The following CCDC25 variants were observed in gnomAD, a reference collection of about 807,000 sequenced individuals.
CCDC25 encodes the protein coiled-coil domain containing 25.
Under a neutral mutation model 35.3 loss-of-function variants are expected in CCDC25, and 16 were observed. The observed-to-expected ratio is 0.45, with a 90% CI of 0.31 to 0.69. CCDC25 has a LOEUF of 0.69. Ranked by LOEUF, CCDC25 falls within the 30% of genes least tolerant of loss-of-function variation. The pLI is 0.06. For missense variants in CCDC25, 179 were observed against 250.7 expected, an observed-to-expected ratio of 0.71 and a Z score of 1.93; for synonymous variants, 79 against 80.3, an observed-to-expected ratio of 0.98 and a Z score of 0.09.
chr8:27,765,806 T>C (rs1168598883), intron 1 of CCDC25, among the ~76,000 whole-genome samples: 1 of 152,128 alleles, frequency 6.6e-6, no homozygotes, highest in Non-Finnish European at 1.5e-5. Flanking sequence ...TCTAAACCAG[T>C]GACTCTGACC....
chr8:27,771,690 A>G (rs1189376145), intron 1 of CCDC25, among the ~76,000 whole-genome samples: 2 of 152,220 alleles, frequency 1.3e-5, no homozygotes, highest in Non-Finnish European at 2.9e-5. Flanking sequence ...ATACCACGTG[A>G]TAAGTGCAAT....
chr8:27,752,811 T>TAAA (rs71553882), intron 4 of CCDC25: 5 of 174,164 alleles, frequency 2.9e-5, no homozygotes, highest in South Asian at 2.2e-4. Flanking sequence ...ACTTAATAAG[T>TAAA]AAAAAAAAAA....
rs141268507 is a variant in CCDC25 at position 27,744,584 on chromosome 8, T to G, written c.551+3493A>C. Among the ~76,000 whole-genome samples, 476 of 152,336 alleles carry G rather than the reference T, an allele frequency of 3.1e-3. 2 individuals carry two copies. Among genetic ancestry groups the G allele is most frequent in the African/African-American group, 9.3e-3 (386 of 41,578 alleles). On this transcript the variant is annotated intron_variant, in intron 7 of 8. Coordinates refer to ENST00000356537, the MANE Select transcript of CCDC25 (RefSeq NM_018246.3). Reference sequence around the variant, plus strand: ...CATGTTACTTCATTCATCCTGTAAGTCTATTCCCCAATATTCCACAAAACC... The same window carrying G: ...CATGTTACTTCATTCATCCTGTAAGGCTATTCCCCAATATTCCACAAAACC...
intron 7 of CCDC25, among the ~76,000 whole-genome samples, chr8:27,742,442 C>CA (rs1264452083): frequency 6.6e-6 from 1 of 152,254 alleles, no homozygotes; most frequent in Non-Finnish European, 1.5e-5. Context: ...CAGAGAATGT[C>CA]AGTCCTGACT....
intron 1 of CCDC25, among the ~76,000 whole-genome samples, chr8:27,765,993 G>A (rs1005424848): frequency 3.9e-5 from 6 of 152,188 alleles, no homozygotes; most frequent in African/African-American, 1.4e-4. Flanking sequence ...TTCTGGGTAT[G>A]GTTTATCCTA....
rs1225189586 is a variant in CCDC25, at chr8:27,735,112, A to G, written c.*1104T>C. 1 of 152,652 alleles carries G rather than the reference A, an allele frequency of 6.6e-6. No individual in the cohort carries two copies. The highest frequency in any genetic ancestry group is 1.5e-5 in the Non-Finnish European group (1 of 68,050). The allele number at this position is 152,652 out of a possible 1,614,324, so 9.5% of individuals were successfully genotyped here. ...TTAAAATTGCGGAACATCAGACTGAATATCATCAGACACATACACAAAACC... is the reference window on the plus strand; with the variant it reads ...TTAAAATTGCGGAACATCAGACTGAGTATCATCAGACACATACACAAAACC... On this transcript the variant is annotated 3_prime_UTR_variant, in exon 9 of 9. Transcript: ENST00000356537.
intron 4 of CCDC25, 92 bp downstream of exon 4, chr8:27,756,627 T>C (rs770856547): frequency 1.6e-5 from 14 of 876,210 alleles, no homozygotes; most frequent in East Asian, 2.5e-5. Context: ...TACCAACTTA[T>C]TACTGTAAGC....
At chr8:27,772,486 G>A (rs1324328142) in intron 1 of CCDC25, 27 bp downstream of exon 1, 3 of 1,549,578 alleles carry the variant, frequency 1.9e-6, no homozygotes, top group East Asian at 2.4e-5. Context: ...GTCCAGCAGG[G>A]TCCAGGAGGA....
chr8:27,747,431 G>A (rs1481649052), intron 7 of CCDC25, among the ~76,000 whole-genome samples: 1 of 152,208 alleles, frequency 6.6e-6, no homozygotes, highest in Non-Finnish European at 1.5e-5. Context: ...AGCCCAGTGA[G>A]AATCTTGCTG....
intron 6 of CCDC25, 59 bp downstream of exon 6, chr8:27,748,436 G>T: frequency 7.2e-7 from 1 of 1,387,928 alleles, no homozygotes; most frequent in Non-Finnish European, 1.0e-6. Context: ...AGACAGAAAA[G>T]ATAGGATACT....
chr8:27,757,881 T>TA (rs1490186770), intron 3 of CCDC25, among the ~76,000 whole-genome samples: 1 of 152,196 alleles, frequency 6.6e-6, no homozygotes, highest in African/African-American at 2.4e-5. Context: ...CCTTTGGTGC[T>TA]ATTCTTATGA....
At chr8:27,746,471 G>A (rs1803604999) in intron 7 of CCDC25, among the ~76,000 whole-genome samples, 1 of 152,150 alleles carries the variant, frequency 6.6e-6, no homozygotes, top group African/African-American at 2.4e-5. Flanking sequence ...GTGATCTTAT[G>A]TTCCTAATAT....
intron 7 of CCDC25, 34 bp from the exon 8 acceptor site, chr8:27,740,551 A>AAAAAAT (rs1803401815): frequency 1.9e-6 from 3 of 1,576,828 alleles, no homozygotes; most frequent in Non-Finnish European, 2.6e-6. Flanking sequence ...CACATTTAAA[A>AAAAAAT]TATGGTGATC....
At chr8:27,741,317 C>A (rs183164290) in intron 7 of CCDC25, among the ~76,000 whole-genome samples, 26 of 152,294 alleles carry the variant, frequency 1.7e-4, no homozygotes, top group Non-Finnish European at 1.2e-4. Context: ...AACACAAAGC[C>A]TGGACCCACA....
Position 27,747,992 on chromosome 8 carries a change from A to G in CCDC25, c.551+85T>C, listed in dbSNP as rs544933439. ...GTTACATGTCCCTCCTTCCACCAATATATCGTTCTTAATGGCTAATACATG... is the reference window on the plus strand; with the variant it reads ...GTTACATGTCCCTCCTTCCACCAATGTATCGTTCTTAATGGCTAATACATG... On this transcript the variant is annotated intron_variant, in intron 7 of 8. Coordinates refer to ENST00000356537, the MANE Select transcript of CCDC25 (RefSeq NM_018246.3). The G allele has an allele frequency of 8.4e-4, 1,097 of 1,312,046 alleles. 4 individuals carry two copies. The highest frequency in any genetic ancestry group is 9.7e-4 in the Non-Finnish European group (894 of 925,640). The allele number at this position is 1,312,046 out of a possible 1,614,324, so 81.3% of individuals were successfully genotyped here.
At chr8:27,738,593 G>A (rs985865972) in intron 8 of CCDC25, among the ~76,000 whole-genome samples, 23 of 116,078 alleles carry the variant, frequency 2.0e-4, no homozygotes, top group Non-Finnish European at 3.0e-4. Context: ...TATGTAGGTC[G>A]GTAGGTAGGT....
intron 7 of CCDC25, among the ~76,000 whole-genome samples, chr8:27,742,683 G>C (rs1465136362): frequency 1.3e-5 from 2 of 152,196 alleles, no homozygotes; most frequent in African/African-American, 4.8e-5. Context: ...TGGCCAACAT[G>C]GTGAAACCCT....
intron 1 of CCDC25, among the ~76,000 whole-genome samples, chr8:27,769,169 T>C (rs1804503109): frequency 1.3e-5 from 2 of 152,370 alleles, no homozygotes; most frequent in African/African-American, 4.8e-5. Flanking sequence ...TCATTACTAT[T>C]TTACTGAGAA....
chr8:27,751,380 T>C (rs1337144994), intron 5 of CCDC25, among the ~76,000 whole-genome samples: 5 of 152,250 alleles, frequency 3.3e-5, no homozygotes, highest in African/African-American at 1.2e-4. Context: ...GTATTACAAT[T>C]TGTTAACTTA....
Sources: allele counts gnomAD v4.1 joint callset (sites outside exome capture counted in the v4.1 genomes callset), GRCh38; gene constraint gnomAD v4.1.1; transcripts MANE v1.5; gene names NCBI Gene and HGNC (gene_info 2026-07-23, HGNC 2026-07-21).